GABRA5: variants seen among roughly 807,000 people sequenced by gnomAD.
GABRA5 encodes the protein gamma-aminobutyric acid receptor subunit alpha-5.
In GABRA5, 18 loss-of-function variants were observed where a neutral mutation model predicts 47.3. The observed-to-expected ratio is 0.38, with a 90% CI of 0.26 to 0.56. The LOEUF (loss-of-function observed/expected upper bound fraction) is 0.56, where lower values mean the gene tolerates loss of function less well. GABRA5 is among the 20% of genes least tolerant of loss of function. The pLI, the probability that GABRA5 is intolerant of heterozygous loss-of-function variation, is 0.71. For synonymous variants in GABRA5, 237 were observed against 229.3 expected (o/e 1.03, Z -0.30); for missense variants, 365 against 599.3 (o/e 0.61, Z 4.08).
At position 26,883,363 on chromosome 15, in the gene GABRA5, A is replaced by T. The variant is rs201750882; in HGVS notation, c.303A>T (p.Arg101=). 192 of 1,613,984 alleles carry T rather than the reference A, an allele frequency of 1.2e-4. 2 individuals carry two copies. In the Admixed American group the frequency reaches 3.2e-3, roughly 27 times the overall value. Residue 101 remains arginine (R), a synonymous_variant, in exon 6 of 11, where the codon CGA becomes CGT. Coordinates refer to ENST00000335625, the MANE Select transcript of GABRA5 (RefSeq NM_000810.4). The surrounding 1 kb of genome is among the most constrained non-coding windows in gnomAD (Gnocchi z 4.8). ...EMEYTIDVFF[R]QSWKDERLRF... is the part of the protein sequence containing the mutation. ...AGTACACCATAGACGTGTTTTTCCG[A>T]CAAAGCTGGAAAGATGAAAGGCTTC...
At position 26,944,485 on chromosome 15, in the gene GABRA5, A is replaced by T. The variant is rs572066005; in HGVS notation, c.1089+1059A>T. On this transcript the variant is annotated intron_variant, in intron 10 of 10. Coordinates refer to ENST00000335625, the MANE Select transcript of GABRA5 (RefSeq NM_000810.4). The stretch of plus-strand genomic sequence containing the variant: ...GGCAGGACCCATTCTGGGTGCTCTC[A>T]TGAAGGGAGGAAAGGGGAAACCGGA... Among the ~76,000 whole-genome samples the T allele has an allele frequency of 9.9e-5, 15 of 152,256 alleles. 1 individual carries two copies. In the South Asian group the frequency reaches 3.1e-3, roughly 32 times the overall value.
chr15:26,867,044 C>T (rs1435569127), upstream of GABRA5: 1 of 152,184 alleles, frequency 6.6e-6, no homozygotes, highest in Non-Finnish European at 1.5e-5. The surrounding 1 kb of genome is among the most constrained non-coding windows in gnomAD (Gnocchi z 5.9). Flanking sequence ...GTCTGGCGGC[C>T]TCTACCGGAG....
In GABRA5 at chr15:26,888,457, T is replaced by C. The variant is rs181136048; in HGVS notation, c.497+4900T>C. ...GCAGTTCCTCCCTGCCACGCCTTCC[T>C]TTGCAGGGCTGGAGAGGTTAGGGGA... On this transcript the variant is annotated intron_variant, in intron 6 of 10. Transcript: ENST00000335625. 7.6e-4 allele frequency among the ~76,000 whole-genome samples: 115 copies of C among 152,296 alleles called. 1 individual carries two copies. The highest frequency in any genetic ancestry group is 2.5e-3 in the African/African-American group (104 of 41,554).
At chr15:26,876,459 G>A (rs907119336) in intron 3 of GABRA5, among the ~76,000 whole-genome samples, 2 of 152,192 alleles carry the variant, frequency 1.3e-5, no homozygotes, top group African/African-American at 4.8e-5. Context: ...GCAAGTAAAG[G>A]GAAAGACAGA....
At chr15:26,937,163 T>C (rs972730565) in intron 7 of GABRA5, 22 bp from the exon 8 acceptor site, 2 of 1,613,484 alleles carry the variant, frequency 1.2e-6, no homozygotes, top group Non-Finnish European at 1.7e-6. Flanking sequence ...TTTATGTCAC[T>C]TTCTGCCCCC....
At chr15:26,911,955 T>C (rs1335266152) in intron 6 of GABRA5, among the ~76,000 whole-genome samples, 1 of 152,170 alleles carries the variant, frequency 6.6e-6, no homozygotes, top group African/African-American at 2.4e-5. Context: ...GTTGTTAGCA[T>C]CTTTGTCAGA....
intron 3 of GABRA5, 41 bp downstream of exon 3, chr15:26,869,375 C>T (rs1320426941): frequency 1.7e-6 from 2 of 1,210,060 alleles, no homozygotes. Context: ...ATGTTAGGGA[C>T]ACTGGTGCCT....
At chr15:26,892,381 C>G (rs1297251188) in intron 6 of GABRA5, among the ~76,000 whole-genome samples, 1 of 152,226 alleles carries the variant, frequency 6.6e-6, no homozygotes, top group Non-Finnish European at 1.5e-5. Context: ...CGTGGCAGCC[C>G]CAGGCTCCCT....
intron 6 of GABRA5, among the ~76,000 whole-genome samples, chr15:26,910,990 G>T (rs1893569311): frequency 6.6e-6 from 1 of 152,122 alleles, no homozygotes; most frequent in Non-Finnish European, 1.5e-5. Context: ...TTCACTGAGA[G>T]ATACTTTTTG....
In GABRA5 at chr15:26,883,120, C is replaced by T. The variant is rs531854172; in HGVS notation, c.209-46C>T. The T allele has an allele frequency of 2.3e-5, 35 of 1,505,820 alleles. No individual in the cohort carries two copies. In the Middle Eastern group the frequency reaches 5.1e-4, roughly 22 times the overall value. The allele number at this position is 1,505,820 out of a possible 1,614,324, so 93.3% of individuals were successfully genotyped here. On this transcript the variant is annotated intron_variant, in intron 4 of 10. Transcript: ENST00000335625. The surrounding 1 kb of genome is among the most constrained non-coding windows in gnomAD (Gnocchi z 4.8). ...TGAGAGCACGAGAGTGTGCCAGACG[C>T]GCAGGGTGGGTCGGTGCAGCCCAGG... is the stretch of plus-strand genomic sequence containing the variant.
At chr15:26,938,679 C>T (rs553206854) in intron 8 of GABRA5, among the ~76,000 whole-genome samples, 126 of 152,322 alleles carry the variant, frequency 8.3e-4, no homozygotes, top group Middle Eastern at 3.4e-3. Flanking sequence ...CTCTTCTTTG[C>T]CCATTTCTCG....
chr15:26,921,544 G>T (rs1893843686), intron 7 of GABRA5, among the ~76,000 whole-genome samples: 1 of 151,906 alleles, frequency 6.6e-6, no homozygotes, highest in Admixed American at 6.6e-5. Context: ...ATTATTTGTA[G>T]CTCTTTGTTT....
intron 7 of GABRA5, among the ~76,000 whole-genome samples, chr15:26,936,069 G>A (rs1042242125): frequency 2.6e-5 from 4 of 152,134 alleles, no homozygotes; most frequent in African/African-American, 9.7e-5. Flanking sequence ...TGAGTCTCAC[G>A]AGATCTGATG....
intron 3 of GABRA5, among the ~76,000 whole-genome samples, chr15:26,876,867 A>G (rs1711951488): frequency 1.3e-5 from 2 of 152,196 alleles, no homozygotes; most frequent in Admixed American, 6.5e-5. Flanking sequence ...TCACTGTGTC[A>G]TCACCTATGC....
intron 6 of GABRA5, among the ~76,000 whole-genome samples, chr15:26,907,255 AC>A (rs1397765556): frequency 1.6e-4 from 24 of 152,334 alleles, no homozygotes; most frequent in African/African-American, 5.5e-4. Context: ...AGTAATATAA[AC>A]CAAAGCGTGG....
intron 6 of GABRA5, among the ~76,000 whole-genome samples, chr15:26,904,320 A>G (rs921238326): frequency 6.6e-6 from 1 of 152,068 alleles, no homozygotes; most frequent in Non-Finnish European, 1.5e-5. Context: ...CCACTGATCT[A>G]TGCAGCTATT....
At chr15:26,943,457 G>T in intron 10 of GABRA5, 31 bp downstream of exon 10, 1 of 1,539,648 alleles carries the variant, frequency 6.5e-7, no homozygotes, top group Non-Finnish European at 8.8e-7. Context: ...TTTCTTCCAG[G>T]TCCCCTTGAC....
Position 26,900,007 on chromosome 15 carries a change from G to A in GABRA5, c.498-14796G>A, listed in dbSNP as rs188837253. On this transcript the variant is annotated intron_variant, in intron 6 of 10. Coordinates refer to ENST00000335625, the MANE Select transcript of GABRA5 (RefSeq NM_000810.4). ...TTTTGTGTTTAATTGATGTTTTTTA[G>A]CGTACCACTTTAATTTTCATGTAAT... 3.8e-3 allele frequency among the ~76,000 whole-genome samples: 578 copies of A among 151,390 alleles called. 2 individuals are homozygous for A. The highest frequency in any genetic ancestry group is 0.013 in the African/African-American group (556 of 41,270).
intron 8 of GABRA5, among the ~76,000 whole-genome samples, chr15:26,937,845 A>G (rs1207212480): frequency 6.6e-6 from 1 of 152,236 alleles, no homozygotes; most frequent in African/African-American, 2.4e-5. Context: ...CTTGACACAA[A>G]GTTGGTGGGG....
Sources: gnomAD v4.1 joint callset for allele counts (sites outside exome capture counted in the v4.1 genomes callset) on GRCh38, gnomAD v4.1.1 for gene constraint, Gnocchi (gnomAD v3.1) non-coding constraint, MANE v1.5 for transcripts, NCBI Gene and HGNC (gene_info 2026-07-23, HGNC 2026-07-21) for gene names.